FRYL: variants seen among roughly 807,000 people sequenced by gnomAD.
FRYL encodes FRY like transcription coactivator.
FRYL carries 150 observed loss-of-function variants against 351.2 expected under a neutral mutation model. The observed-to-expected ratio is 0.43, with a 90% CI of 0.37 to 0.49. FRYL has a LOEUF of 0.49. Among genes scored for constraint, FRYL ranks in the 20% least tolerant of loss-of-function variants. The pLI is 0.00. For missense variants in FRYL, 3,036 were observed against 3,619.3 expected, an observed-to-expected ratio of 0.84 and a Z score of 4.13; for synonymous variants, 1,153 against 1,257.1, an observed-to-expected ratio of 0.92 and a Z score of 1.75.
intron 7 of FRYL, among the ~76,000 whole-genome samples, chr4:48,610,660 ATATATACATATATTATATTATATAT>A (rs1216987906): frequency 6.8e-6 from 1 of 146,644 alleles, no homozygotes; most frequent in African/African-American, 2.5e-5. Flanking sequence ...TATATATTGT[ATATATACATATATTATATTATATAT>A]TATATACATA....
In FRYL at chr4:48,499,447, C is replaced by G; in HGVS notation, c.9017G>C (p.Gly3006Ala). Reference sequence around the variant, plus strand: ...TCAGAATCCAGTGCTCACCATATTTCCCATTGGTTTGGCCTGTGCTAGAAG... The same window carrying G: ...TCAGAATCCAGTGCTCACCATATTTGCCATTGGTTTGGCCTGTGCTAGAAG... ...YQLLAQAKPM[G>A]NMVSTGF Residue 3006 changes from glycine to alanine, a missense_variant, in exon 64 of 64, where the codon GGA becomes GCA. Gly to Ala is a moderately conservative substitution (Grantham distance 60). This residue lies in a region of FRYL where 1,987 missense variants were observed against 2,311.7 expected (regional missense o/e 0.86). Coordinates refer to ENST00000358350, the MANE Select transcript of FRYL (RefSeq NM_015030.2). 6.2e-7 allele frequency: 1 copy of G among 1,613,984 alleles called. No individual in the cohort carries two copies. The highest frequency in any genetic ancestry group is 1.3e-5 in the African/African-American group (1 of 75,042).
intron 3 of FRYL, among the ~76,000 whole-genome samples, chr4:48,675,016 C>T (rs1309697392): frequency 6.6e-6 from 1 of 152,180 alleles, no homozygotes; most frequent in Non-Finnish European, 1.5e-5. Context: ...AACCCATGTA[C>T]ATCAGCTATG....
intron 1 of FRYL, among the ~76,000 whole-genome samples, chr4:48,762,107 C>A (rs1578958200): frequency 6.6e-6 from 1 of 152,142 alleles, no homozygotes; most frequent in East Asian, 1.9e-4. Flanking sequence ...AGGGTCCTCA[C>A]CAGCATCCAA....
At chr4:48,709,789 C>T (rs1052473216) in intron 2 of FRYL, among the ~76,000 whole-genome samples, 2 of 152,056 alleles carry the variant, frequency 1.3e-5, no homozygotes, top group Admixed American at 6.6e-5. Flanking sequence ...TAAAATGTAC[C>T]CCAATTTTCA....
chr4:48,766,882 T>G lies in FRYL; in HGVS notation c.-384+13196A>C, dbSNP rs945403909. Among the ~76,000 whole-genome samples, 36 of 151,618 alleles carry G rather than the reference T, an allele frequency of 2.4e-4. 1 individual carries two copies. Among genetic ancestry groups the G allele is most frequent in the Non-Finnish European group, 1.5e-5 (1 of 67,960 alleles). Reference sequence around the variant, plus strand: ...ATGATGTCAAATAAGCATTTTCTTCTGTAGATTCACGGATTTCCATAGATT... The same window carrying G: ...ATGATGTCAAATAAGCATTTTCTTCGGTAGATTCACGGATTTCCATAGATT... On this transcript the variant is annotated intron_variant, in intron 1 of 63. Coordinates refer to ENST00000358350, the MANE Select transcript of FRYL (RefSeq NM_015030.2).
At chr4:48,514,418 G>A (rs1428186369) in intron 56 of FRYL, among the ~76,000 whole-genome samples, 1 of 152,010 alleles carries the variant, frequency 6.6e-6, no homozygotes, top group African/African-American at 2.4e-5. Context: ...TCCCCTAAAA[G>A]CTATATATAA....
rs1719698990 is a variant in FRYL at position 48,501,704 on chromosome 4, T to C, written c.8511A>G (p.Lys2837=). ...AELELCRRLY[K]LHFQLLLLFQ... ...ACAGAAGCAGCAATTGAAAATGCAA[T>C]TTGTATAATCTTCGGCAGAGCTCCA... is the stretch of plus-strand genomic sequence containing the variant. The change falls in exon 62 of 64, where the codon AAA becomes AAG. Residue 2837 remains lysine (K), a synonymous_variant. Coordinates refer to ENST00000358350, the MANE Select transcript of FRYL (RefSeq NM_015030.2). 1 of 1,607,958 alleles carries C rather than the reference T, an allele frequency of 6.2e-7. No individual in the cohort carries two copies. Among genetic ancestry groups the C allele is most frequent in the Non-Finnish European group, 8.5e-7 (1 of 1,174,916 alleles).
chr4:48,747,170 C>CCG (rs1553880418), intron 1 of FRYL, among the ~76,000 whole-genome samples: 3 of 149,734 alleles, frequency 2.0e-5, no homozygotes, highest in South Asian at 4.2e-4. Flanking sequence ...TATCCCCCCC[C>CCG]AAAAAAAGAT....
At chr4:48,758,782 G>A (rs1228160158) in intron 1 of FRYL, among the ~76,000 whole-genome samples, 5 of 152,098 alleles carry the variant, frequency 3.3e-5, no homozygotes, top group African/African-American at 9.7e-5. Context: ...ACATGAACAC[G>A]TATGTTTATT....
chr4:48,732,647 A>G (rs752131585), intron 1 of FRYL, among the ~76,000 whole-genome samples: 5 of 152,012 alleles, frequency 3.3e-5, no homozygotes, highest in Non-Finnish European at 7.4e-5. Flanking sequence ...GAAGCTGGAA[A>G]CCATCATTCT....
intron 1 of FRYL, among the ~76,000 whole-genome samples, chr4:48,776,812 C>A (rs1224934827): frequency 6.6e-6 from 1 of 152,074 alleles, no homozygotes; most frequent in Admixed American, 6.6e-5. Flanking sequence ...ACCTAGTCTA[C>A]CCCCAAAACT....
chr4:48,654,668 T>C (rs1389343108), intron 3 of FRYL, among the ~76,000 whole-genome samples: 2 of 152,220 alleles, frequency 1.3e-5, no homozygotes, highest in African/African-American at 2.4e-5. Flanking sequence ...ATTCTTAATA[T>C]AGCACATAAT....
intron 47 of FRYL, among the ~76,000 whole-genome samples, chr4:48,539,752 T>C (rs981581582): frequency 1.4e-4 from 21 of 151,956 alleles, no homozygotes; most frequent in African/African-American, 4.6e-4. Flanking sequence ...CTCAGAGGAG[T>C]GTTACTCTAA....
chr4:48,763,106 T>TAA (rs10683757), intron 1 of FRYL, among the ~76,000 whole-genome samples: 35,448 of 91,266 alleles, frequency 0.39, 7,845 homozygotes, highest in East Asian at 0.51. Context: ...TACAGATCTG[T>TAA]AAAAAAAAAA....
rs1381150231 is a variant in FRYL at position 48,521,117 on chromosome 4, C to G, written c.7620G>C (p.Val2540=). 5 of 1,613,792 alleles carry G rather than the reference C, an allele frequency of 3.1e-6. No homozygotes were observed. The highest frequency in any genetic ancestry group is 3.4e-6 in the Non-Finnish European group (4 of 1,179,732). ...TTGGGGTCTCATCCCTGATTTGAAG[C>G]ACTTCCTCTGTTGTGATGCTGCCAG... ...DSTGSITTEE[V]LQIRDETPTL... is the part of the protein sequence containing the mutation. Residue 2540 remains valine (V), a synonymous_variant, in exon 55 of 64, where the codon GTG becomes GTC. Coordinates refer to ENST00000358350, the MANE Select transcript of FRYL (RefSeq NM_015030.2).
In FRYL at chr4:48,734,158, C is replaced by T. The variant is rs979292492; in HGVS notation, c.-383-23460G>A. 4.0e-4 allele frequency among the ~76,000 whole-genome samples: 61 copies of T among 152,148 alleles called. 1 individual carries two copies. Among genetic ancestry groups the T allele is most frequent in the Non-Finnish European group, 8.8e-5 (6 of 67,950 alleles). ...AAACAAGACATAACTATGTTGTCTA[C>T]AAGAAACTCACTTTCAATATAAAGA... On this transcript the variant is annotated intron_variant, in intron 1 of 63. Coordinates refer to ENST00000358350, the MANE Select transcript of FRYL (RefSeq NM_015030.2).
intron 13 of FRYL, among the ~76,000 whole-genome samples, chr4:48,601,685 A>T (rs1745727547): frequency 6.6e-6 from 1 of 152,206 alleles, no homozygotes; most frequent in Admixed American, 6.5e-5. Context: ...AAAAGACAAA[A>T]TAAGTATCTA....
rs55736457 is a variant in FRYL, at chr4:48,506,615, AAT to A, written c.8395-1002_8395-1001del. On this transcript the variant is annotated intron_variant, in intron 59 of 63. Coordinates refer to ENST00000358350, the MANE Select transcript of FRYL (RefSeq NM_015030.2). ...AATTATACTATTAAACAATACAACT[AAT>A]ATATATATATATATATATATATATA... 217 of 71,052 alleles carry A rather than the reference AAT, an allele frequency of 3.1e-3. 2 individuals are homozygous for A. Among genetic ancestry groups the A allele is most frequent in the Middle Eastern group, 5.7e-3 (1 of 174 alleles). 4.4% of individuals were successfully genotyped at this position (71,052 alleles called of 1,614,324 possible).
Position 48,631,235 on chromosome 4 carries a change from G to A in FRYL, c.120+3056C>T, listed in dbSNP as rs185189140. The stretch of plus-strand genomic sequence containing the variant: ...TGGTGTGTCAGGAAGAGTAAGCAGT[G>A]ATGCCTCTTCTATTTGTGATGGCAG... On this transcript the variant is annotated intron_variant, in intron 4 of 63. Coordinates refer to ENST00000358350, the MANE Select transcript of FRYL (RefSeq NM_015030.2). Among the ~76,000 whole-genome samples the A allele has an allele frequency of 7.9e-5, 12 of 152,200 alleles. No homozygotes were observed. In the East Asian group the frequency reaches 2.3e-3, roughly 29 times the overall value.
Sources: gnomAD v4.1 joint callset for allele counts (sites outside exome capture counted in the v4.1 genomes callset) on GRCh38, gnomAD v4.1.1 for gene constraint, gnomAD v4.1.1 regional missense constraint, MANE v1.5 for transcripts, NCBI Gene and HGNC (gene_info 2026-07-23, HGNC 2026-07-21) for gene names.